GATAD2A: variants seen among roughly 807,000 people sequenced by gnomAD.
The protein encoded by GATAD2A is transcriptional repressor p66-alpha.
Under a neutral mutation model 68.5 loss-of-function variants are expected in GATAD2A, and 12 were observed. The observed-to-expected ratio is 0.18, with a 90% CI of 0.11 to 0.28. The LOEUF (loss-of-function observed/expected upper bound fraction) is 0.28, where lower values mean the gene tolerates loss of function less well. GATAD2A is among the 10% of genes least tolerant of loss of function. GATAD2A has a pLI of 1.00. For synonymous variants in GATAD2A, 410 were observed against 375.3 expected, an observed-to-expected ratio of 1.09 and a Z score of -1.07; for missense variants, 755 against 868.5, an observed-to-expected ratio of 0.87 and a Z score of 1.64.
chr19:19,505,529 T>C lies in GATAD2A; in HGVS notation c.*55T>C. 6.7e-7 allele frequency: 1 copy of C among 1,493,068 alleles called. No individual in the cohort carries two copies. Among genetic ancestry groups the C allele is most frequent in the East Asian group, 2.4e-5 (1 of 40,844 alleles). 92.5% of individuals were successfully genotyped at this position (1,493,068 alleles called of 1,614,324 possible). On this transcript the variant is annotated 3_prime_UTR_variant, in exon 12 of 12. Transcript: ENST00000683918. ...CCCTCCTCCCCCACCTGGCCCCTGG[T>C]CTAGAAGGACCCACTGCACCACCCT...
chr19:19,479,579 G>A (rs2058909793), intron 2 of GATAD2A, among the ~76,000 whole-genome samples: 1 of 152,212 alleles, frequency 6.6e-6, no homozygotes, highest in Non-Finnish European at 1.5e-5. Context: ...TCTGTAGAAT[G>A]TCAGTGCATT....
intron 2 of GATAD2A, among the ~76,000 whole-genome samples, chr19:19,481,744 G>A (rs1315816966): frequency 6.6e-6 from 1 of 152,184 alleles, no homozygotes; most frequent in Non-Finnish European, 1.5e-5. Context: ...ACACCTCAGG[G>A]ACTTAGCTTG....
chr19:19,400,328 T>A (rs1433928899), intron 1 of GATAD2A, among the ~76,000 whole-genome samples: 1 of 152,186 alleles, frequency 6.6e-6, no homozygotes, highest in African/African-American at 2.4e-5. Flanking sequence ...AACCCTGCGC[T>A]GCAGAAACAC....
At chr19:19,408,368 C>T (rs1600029384) in intron 1 of GATAD2A, among the ~76,000 whole-genome samples, 1 of 152,230 alleles carries the variant, frequency 6.6e-6, no homozygotes, top group East Asian at 1.9e-4. Context: ...TTGGCAAATC[C>T]TATAATCTTA....
rs1304117384 is a variant in GATAD2A at position 19,506,238 on chromosome 19, C to A, written c.*764C>A. 1 of 398,464 alleles carries A rather than the reference C, an allele frequency of 2.5e-6. No homozygotes were observed. The highest frequency in any genetic ancestry group is 4.4e-6 in the Non-Finnish European group (1 of 225,950). 24.7% of individuals were successfully genotyped at this position (398,464 alleles called of 1,614,324 possible). A position where few individuals can be genotyped will look rare whatever the true frequency, so the allele number is the denominator to read the frequency against. On this transcript the variant is annotated 3_prime_UTR_variant, in exon 12 of 12. Transcript: ENST00000683918. ...GACCCCCGCCCCCGCACCTTCCAGACTTAGCAGAAGAACAAACTGAAGAAC... is the reference window on the plus strand; with the variant it reads ...GACCCCCGCCCCCGCACCTTCCAGAATTAGCAGAAGAACAAACTGAAGAAC...
intron 11 of GATAD2A, among the ~76,000 whole-genome samples, chr19:19,505,037 C>T (rs1000783411): frequency 2.0e-5 from 3 of 152,220 alleles, no homozygotes; most frequent in Admixed American, 6.5e-5. Context: ...TAAGCAGCAC[C>T]GTGGTCAGCA....
intron 1 of GATAD2A, among the ~76,000 whole-genome samples, chr19:19,444,872 T>TAAAAAAAAA (rs10641522): frequency 8.1e-6 from 1 of 123,194 alleles, no homozygotes; most frequent in Non-Finnish European, 1.6e-5. Context: ...CCTCGTCCCT[T>TAAAAAAAAA]AAAAAAAAAA....
intron 1 of GATAD2A, among the ~76,000 whole-genome samples, chr19:19,456,153 C>CAAA (rs397859145): frequency 2.1e-5 from 2 of 94,296 alleles, no homozygotes; most frequent in African/African-American, 8.2e-5. Flanking sequence ...GACTCCATCT[C>CAAA]AAAAAAAAAA....
chr19:19,466,551 G>A (rs2057882449), intron 2 of GATAD2A, among the ~76,000 whole-genome samples: 1 of 152,220 alleles, frequency 6.6e-6, no homozygotes, highest in Non-Finnish European at 1.5e-5. Context: ...CCCACAGGAT[G>A]ACCCCAGCCT....
chr19:19,467,924 T>A (rs992668899), intron 2 of GATAD2A, among the ~76,000 whole-genome samples: 31 of 152,250 alleles, frequency 2.0e-4, no homozygotes, highest in African/African-American at 7.2e-4. Flanking sequence ...CTGTCGCTCT[T>A]TAACTCAGCA....
At chr19:19,452,986 C>T (rs2056543435) in intron 1 of GATAD2A, among the ~76,000 whole-genome samples, 1 of 152,204 alleles carries the variant, frequency 6.6e-6, no homozygotes, top group South Asian at 2.1e-4. Context: ...AGGTGATGGC[C>T]AGTCCTGGTT....
intron 1 of GATAD2A, among the ~76,000 whole-genome samples, chr19:19,463,687 G>T (rs1007413331): frequency 6.6e-6 from 1 of 152,198 alleles, no homozygotes; most frequent in Non-Finnish European, 1.5e-5. Flanking sequence ...TTAAGGGTCA[G>T]CCATGGCACC....
Position 19,484,623 on chromosome 19 carries a change from C to A in GATAD2A, c.270-7683C>A, listed in dbSNP as rs549050382. On this transcript the variant is annotated intron_variant, in intron 2 of 11. Coordinates refer to ENST00000683918, the MANE Select transcript of GATAD2A (RefSeq NM_001384528.1). The stretch of plus-strand genomic sequence containing the variant: ...TCTCGGCTCCCTGCAGGCTCTGCCC[C>A]CCGGGGTTCATGCCATTCTCCTGCC... 5.3e-5 allele frequency among the ~76,000 whole-genome samples: 8 copies of A among 151,180 alleles called. No homozygotes were observed. In the East Asian group the frequency reaches 1.6e-3, roughly 29 times the overall value.
At chr19:19,436,496 G>A (rs1170178578) in intron 1 of GATAD2A, among the ~76,000 whole-genome samples, 1 of 152,230 alleles carries the variant, frequency 6.6e-6, no homozygotes, top group Non-Finnish European at 1.5e-5. Flanking sequence ...GAGGGGCAGG[G>A]GCAGAGGATA....
chr19:19,480,574 T>A (rs2058986312), intron 2 of GATAD2A, among the ~76,000 whole-genome samples: 1 of 152,238 alleles, frequency 6.6e-6, no homozygotes. Context: ...CCTGTCGTAC[T>A]TTGTCATGGG....
intron 2 of GATAD2A, among the ~76,000 whole-genome samples, chr19:19,471,451 A>G (rs1185064639): frequency 3.5e-5 from 5 of 144,704 alleles, no homozygotes; most frequent in African/African-American, 5.0e-5. Flanking sequence ...CTTACAGGGC[A>G]TGTCCCCCCA....
intron 8 of GATAD2A, 102 bp from the exon 9 acceptor site, chr19:19,501,016 A>G (rs1453051152): frequency 3.9e-6 from 4 of 1,032,864 alleles, no homozygotes; most frequent in South Asian, 3.1e-5. Flanking sequence ...CAGAACGGAC[A>G]GACTGTGGCG....
intron 1 of GATAD2A, among the ~76,000 whole-genome samples, chr19:19,393,248 A>G (rs1250451445): frequency 6.6e-6 from 1 of 152,154 alleles, no homozygotes; most frequent in African/African-American, 2.4e-5. Flanking sequence ...CAGAGTTTGC[A>G]GTGAGCTGAG....
chr19:19,464,312 T>C (rs1335852786), intron 1 of GATAD2A, among the ~76,000 whole-genome samples: 1 of 152,248 alleles, frequency 6.6e-6, no homozygotes, highest in East Asian at 1.9e-4. Flanking sequence ...TTCTCTTTTG[T>C]CCTCTGGTAA....
Sources: allele counts gnomAD v4.1 joint callset (sites outside exome capture counted in the v4.1 genomes callset), GRCh38; gene constraint gnomAD v4.1.1; transcripts MANE v1.5; gene names NCBI Gene and HGNC (gene_info 2026-07-23, HGNC 2026-07-21).